The following PDE1C variants were observed in gnomAD, a reference collection of about 807,000 sequenced individuals.
PDE1C encodes dual specificity calcium/calmodulin-dependent 3',5'-cyclic nucleotide phosphodiesterase 1C.
Under a neutral mutation model 93.1 loss-of-function variants are expected in PDE1C, and 62 were observed. That is an observed-to-expected ratio of 0.67 (90% confidence interval 0.54 to 0.82). PDE1C has a LOEUF of 0.82. Among genes scored for constraint, PDE1C ranks in the 40% least tolerant of loss-of-function variants. The pLI is 0.00. For synonymous variants in PDE1C, 325 were observed against 310.1 expected, an observed-to-expected ratio of 1.05 and a Z score of -0.50; for missense variants, 742 against 884.6, an observed-to-expected ratio of 0.84 and a Z score of 2.04.
chr7:32,136,248 C>A (rs1470675883), intron 3 of PDE1C, among the ~76,000 whole-genome samples: 2 of 152,136 alleles, frequency 1.3e-5, no homozygotes, highest in African/African-American at 4.8e-5. Context: ...AATCATTGCA[C>A]AGTGTATACA....
chr7:32,028,721 C>T (rs927106944), intron 2 of PDE1C, among the ~76,000 whole-genome samples: 4 of 151,554 alleles, frequency 2.6e-5, no homozygotes, highest in Non-Finnish European at 5.9e-5. Flanking sequence ...AGAAATTTAC[C>T]CTCTTAGCAA....
the PDE1C span, among the ~76,000 whole-genome samples, chr7:31,665,086 C>G: frequency 6.6e-6 from 1 of 152,186 alleles, no homozygotes; most frequent in East Asian, 1.9e-4. Flanking sequence ...TCCTTCCTCT[C>G]TCACTATGTT....
At chr7:32,383,641 C>CTGGA (rs3079653) in intron 1 of PDE1C, among the ~76,000 whole-genome samples, 113,070 of 150,940 alleles carry the variant, frequency 0.75, 44,200 homozygotes, top group East Asian at 0.96. Flanking sequence ...TATCAGAATG[C>CTGGA]TGGATGGATG....
intron 2 of PDE1C, among the ~76,000 whole-genome samples, chr7:32,022,289 A>G (rs1788790900): frequency 6.6e-6 from 1 of 152,162 alleles, no homozygotes; most frequent in Admixed American, 6.6e-5. Context: ...TGTTAAATGG[A>G]CATAAATAAC....
chr7:31,967,979 A>G (rs1186961878), intron 2 of PDE1C, among the ~76,000 whole-genome samples: 1 of 152,234 alleles, frequency 6.6e-6, no homozygotes, highest in East Asian at 1.9e-4. Flanking sequence ...AGAGCTGTCT[A>G]TGACAAACCC....
At chr7:32,202,572 C>T (rs1327983670) in intron 2 of PDE1C, among the ~76,000 whole-genome samples, 1 of 152,154 alleles carries the variant, frequency 6.6e-6, no homozygotes, top group African/African-American at 2.4e-5. Flanking sequence ...CCAAGCTGAT[C>T]GGCTTGCCTG....
chr7:31,848,676 C>T (rs1792933492), intron 8 of PDE1C, among the ~76,000 whole-genome samples: 1 of 152,106 alleles, frequency 6.6e-6, no homozygotes, highest in Non-Finnish European at 1.5e-5. Context: ...CTGAATGTCA[C>T]TAAACACACG....
chr7:32,112,824 GTGTGTGTGTGTGTGTGTGTGTGTATA>G (rs1480287413), intron 3 of PDE1C, among the ~76,000 whole-genome samples: 5 of 81,274 alleles, frequency 6.2e-5, no homozygotes, highest in Non-Finnish European at 9.5e-5. Flanking sequence ...GTGTGTGTGT[GTGTGTGTGTGTGTGTGTGTGTGTATA>G]TATATATATA....
chr7:32,274,262 C>T (rs959977931), intron 1 of PDE1C, among the ~76,000 whole-genome samples: 8 of 149,116 alleles, frequency 5.4e-5, no homozygotes, highest in Non-Finnish European at 8.9e-5. Flanking sequence ...AGCTAGAGTG[C>T]AGTGGCATGA....
intron 1 of PDE1C, among the ~76,000 whole-genome samples, chr7:32,383,197 G>A (rs1784565007): frequency 6.6e-6 from 1 of 152,216 alleles, no homozygotes; most frequent in Non-Finnish European, 1.5e-5. Context: ...AGACTTGCCT[G>A]TGACTGAGGT....
At chr7:31,889,244 G>T (rs1798333682) in intron 2 of PDE1C, among the ~76,000 whole-genome samples, 1 of 152,176 alleles carries the variant, frequency 6.6e-6, no homozygotes, top group Admixed American at 6.5e-5. Context: ...TTATTATAAA[G>T]CATTTAATTC....
chr7:32,339,095 T>C (rs1562681214), intron 1 of PDE1C, among the ~76,000 whole-genome samples: 7 of 149,336 alleles, frequency 4.7e-5, no homozygotes. Context: ...GAAAAAAAAT[T>C]GAGTTTTATT....
chr7:32,014,399 T>A (rs1180896171), intron 2 of PDE1C, among the ~76,000 whole-genome samples: 3 of 152,232 alleles, frequency 2.0e-5, no homozygotes, highest in Non-Finnish European at 2.9e-5. Context: ...CAAATCTAGT[T>A]TGTGTAGAAG....
At chr7:32,160,905 T>G (rs1408869280) in intron 3 of PDE1C, among the ~76,000 whole-genome samples, 1 of 152,092 alleles carries the variant, frequency 6.6e-6, no homozygotes, top group Non-Finnish European at 1.5e-5. Flanking sequence ...CTAGCTGACT[T>G]CTGCAAACCA....
At chr7:31,966,064 G>C (rs928901285) in intron 2 of PDE1C, among the ~76,000 whole-genome samples, 1 of 152,064 alleles carries the variant, frequency 6.6e-6, no homozygotes. Context: ...CGAGCAAAAT[G>C]ACCAGCTAAC....
chr7:32,015,307 A>C (rs1373945605), intron 2 of PDE1C, among the ~76,000 whole-genome samples: 2 of 151,152 alleles, frequency 1.3e-5, no homozygotes, highest in African/African-American at 4.9e-5. Context: ...AAAAAAAAAA[A>C]CCACAGGGAG....
intron 1 of PDE1C, among the ~76,000 whole-genome samples, chr7:32,408,336 G>A (rs1174204911): frequency 2.0e-5 from 3 of 152,162 alleles, no homozygotes; most frequent in African/African-American, 7.2e-5. Flanking sequence ...AGTGGAGTGA[G>A]TGCAGGCAAC....
chr7:31,780,486 T>C (rs1783323428), intron 16 of PDE1C, among the ~76,000 whole-genome samples: 1 of 152,212 alleles, frequency 6.6e-6, no homozygotes, highest in East Asian at 1.9e-4. Context: ...GACTCTGGTT[T>C]TATTCCATTT....
intron 2 of PDE1C, among the ~76,000 whole-genome samples, chr7:32,191,889 CT>C (rs2128821457): frequency 6.6e-6 from 1 of 152,254 alleles, no homozygotes; most frequent in South Asian, 2.1e-4. Flanking sequence ...TTTATTTTAG[CT>C]GTTCGGGTAG....
Sources: allele counts gnomAD v4.1 joint callset (sites outside exome capture counted in the v4.1 genomes callset), GRCh38; gene constraint gnomAD v4.1.1; transcripts MANE v1.5; gene names NCBI Gene and HGNC (gene_info 2026-07-23, HGNC 2026-07-21).